The following KIAA1217 variants were observed in gnomAD, a reference collection of about 807,000 sequenced individuals.
KIAA1217 encodes KIAA1217.
A neutral mutation model predicts 163.9 loss-of-function variants in KIAA1217; 88 were observed. The ratio of observed to expected loss-of-function variants is 0.54; its 90% CI spans 0.45 to 0.64. The LOEUF (loss-of-function observed/expected upper bound fraction) is 0.64. Among genes scored for constraint, KIAA1217 ranks in the 30% least tolerant of loss-of-function variants. KIAA1217 has a pLI of 0.00. For missense variants in KIAA1217, 2,372 were observed against 2,475.0 expected, an observed-to-expected ratio of 0.96 and a Z score of 0.88; for synonymous variants, 903 against 923.1, an observed-to-expected ratio of 0.98 and a Z score of 0.39.
chr10:24,421,951 G>T (rs2058764042), intron 3 of KIAA1217, among the ~76,000 whole-genome samples: 1 of 152,144 alleles, frequency 6.6e-6, no homozygotes, highest in African/African-American at 2.4e-5. Context: ...TGCTAATAAA[G>T]ACATACCTGA....
chr10:24,289,230 G>A (rs914671086), intron 2 of KIAA1217, among the ~76,000 whole-genome samples: 1 of 152,184 alleles, frequency 6.6e-6, no homozygotes, highest in African/African-American at 2.4e-5. Flanking sequence ...GTTCAGTGGA[G>A]GGCACGGGCA....
intron 1 of KIAA1217, among the ~76,000 whole-genome samples, chr10:23,794,616 T>C (rs1170558116): frequency 6.6e-6 from 1 of 152,220 alleles, no homozygotes; most frequent in East Asian, 1.9e-4. Flanking sequence ...TTGGCTTTCA[T>C]CCTGTCAGAT....
chr10:23,766,587 C>CTT lies in KIAA1217; in HGVS notation c.-321+71358_-321+71359dup, dbSNP rs766892555. ...TCTTTTCTTTTTTTTTTCTTTCTTT[C>CTT]TTTTTTCTTTTTTTTTTTTGAGACA... On this transcript the variant is annotated intron_variant, in intron 1 of 18. Coordinates refer to the KIAA1217 transcript ENST00000376462. Among the ~76,000 whole-genome samples the CTT allele has an allele frequency of 1.5e-3, 198 of 133,748 alleles. 6 individuals are homozygous for CTT. The highest frequency in any genetic ancestry group is 4.6e-3 in the African/African-American group (156 of 33,560). The allele number at this position is 133,748 out of a possible 152,430, so 87.7% of individuals were successfully genotyped here. A position where few individuals can be genotyped will look rare whatever the true frequency, so the allele number is the denominator to read the frequency against.
chr10:23,758,686 C>CTTTTTTTTTTTTTTTTT (rs34055872), intron 1 of KIAA1217, among the ~76,000 whole-genome samples: 14 of 59,858 alleles, frequency 2.3e-4, no homozygotes, highest in East Asian at 6.5e-4. Flanking sequence ...TTCTTTCTTT[C>CTTTTTTTTTTTTTTTTT]TTTTTTTTTT....
intron 1 of KIAA1217, among the ~76,000 whole-genome samples, chr10:23,882,103 A>T (rs1290729454): frequency 6.6e-6 from 1 of 152,162 alleles, no homozygotes; most frequent in African/African-American, 2.4e-5. Flanking sequence ...TTTCGAATAC[A>T]TTCAAAAACC....
intron 1 of KIAA1217, among the ~76,000 whole-genome samples, chr10:23,757,253 G>A (rs1223623200): frequency 6.6e-6 from 1 of 152,042 alleles, no homozygotes; most frequent in East Asian, 1.9e-4. Flanking sequence ...AAAATTGCTG[G>A]ATCACACAGT....
intron 1 of KIAA1217, among the ~76,000 whole-genome samples, chr10:23,880,278 T>G (rs1363893424): frequency 6.6e-6 from 1 of 151,552 alleles, no homozygotes; most frequent in Non-Finnish European, 1.5e-5. Flanking sequence ...TAAAAAAAAA[T>G]GAGATGCTGT....
chr10:24,274,080 T>C (rs569056091), intron 2 of KIAA1217, among the ~76,000 whole-genome samples: 1 of 152,328 alleles, frequency 6.6e-6, no homozygotes, highest in East Asian at 1.9e-4. Flanking sequence ...TTTCACATAT[T>C]ACCAGAGTAA....
chr10:24,332,477 A>G (rs942550571), intron 2 of KIAA1217, among the ~76,000 whole-genome samples: 1 of 152,070 alleles, frequency 6.6e-6, no homozygotes, highest in African/African-American at 2.4e-5. Context: ...CACAACATCA[A>G]TTTGGAAATG....
intron 2 of KIAA1217, among the ~76,000 whole-genome samples, chr10:24,161,835 G>A (rs1037112443): frequency 2.0e-5 from 3 of 152,126 alleles, no homozygotes; most frequent in East Asian, 1.9e-4. Flanking sequence ...AGAGACAAGA[G>A]GAATGTAGAA....
At chr10:23,745,185 T>C (rs1287629214) in intron 1 of KIAA1217, among the ~76,000 whole-genome samples, 2 of 152,110 alleles carry the variant, frequency 1.3e-5, no homozygotes, top group Admixed American at 1.3e-4. Flanking sequence ...AAAACATGAA[T>C]TTTAAAACTA....
intron 1 of KIAA1217, among the ~76,000 whole-genome samples, chr10:23,974,086 A>C (rs533949057): frequency 1.3e-4 from 20 of 152,332 alleles, no homozygotes; most frequent in African/African-American, 2.6e-4. Flanking sequence ...CCAGACTGAA[A>C]AACACAGATG....
chr10:24,424,284 C>T lies in KIAA1217; in HGVS notation c.554-8711C>T, dbSNP rs74125408. The stretch of plus-strand genomic sequence containing the variant: ...GAGCCATTTGAGGAACACACACACC[C>T]TTGTTCAAATCGCTGCTGTGTTTGA... On this transcript the variant is annotated intron_variant, in intron 3 of 20. Transcript: ENST00000376454. Among the ~76,000 whole-genome samples, 153 of 152,328 alleles carry T rather than the reference C, an allele frequency of 1.0e-3. 1 individual carries two copies. The highest frequency in any genetic ancestry group is 3.4e-3 in the African/African-American group (141 of 41,582).
intron 2 of KIAA1217, among the ~76,000 whole-genome samples, chr10:24,271,328 T>C (rs16924457): frequency 0.036 from 5,523 of 152,214 alleles, 322 homozygotes; most frequent in African/African-American, 0.13. Flanking sequence ...GTCATATATA[T>C]TGAAAAAACC....
chr10:23,914,248 G>T (rs60871087), intron 1 of KIAA1217, among the ~76,000 whole-genome samples: 144 of 152,268 alleles, frequency 9.5e-4, no homozygotes, highest in Middle Eastern at 3.4e-3. Context: ...GGCTGCACAG[G>T]GGTGTGATGG....
At chr10:24,233,126 A>G (rs964423206) in intron 2 of KIAA1217, among the ~76,000 whole-genome samples, 1 of 151,982 alleles carries the variant, frequency 6.6e-6, no homozygotes, top group Admixed American at 6.6e-5. Flanking sequence ...CCCTGTCTCA[A>G]TAAAATAAAG....
At chr10:24,353,188 C>T (rs190148503) in intron 2 of KIAA1217, among the ~76,000 whole-genome samples, 80 of 151,572 alleles carry the variant, frequency 5.3e-4, no homozygotes, top group African/African-American at 1.9e-3. Context: ...GCCACCCAAG[C>T]AGATGTCCCA....
intron 8 of KIAA1217, among the ~76,000 whole-genome samples, 160 bp downstream of exon 8, chr10:24,495,356 A>G (rs937968221): frequency 6.6e-6 from 1 of 152,188 alleles, no homozygotes; most frequent in African/African-American, 2.4e-5. Context: ...AGATTTATTC[A>G]TTAATTCGGG....
chr10:24,128,264 A>G (rs2063535872), intron 2 of KIAA1217, among the ~76,000 whole-genome samples: 1 of 152,222 alleles, frequency 6.6e-6, no homozygotes, highest in Non-Finnish European at 1.5e-5. Flanking sequence ...GGGATTTGCC[A>G]GAACATTAAC....
Sources: allele counts gnomAD v4.1 joint callset (sites outside exome capture counted in the v4.1 genomes callset), GRCh38; gene constraint gnomAD v4.1.1; transcripts MANE v1.5; gene names NCBI Gene and HGNC (gene_info 2026-07-23, HGNC 2026-07-21).